DSCAML1: variants seen among roughly 807,000 people sequenced by gnomAD.
DSCAML1 encodes cell adhesion molecule DSCAML1.
A neutral mutation model predicts 200.5 loss-of-function variants in DSCAML1; 38 were observed. The ratio of observed to expected loss-of-function variants is 0.19; its 90% confidence interval spans 0.15 to 0.25. The LOEUF (loss-of-function observed/expected upper bound fraction) is 0.25, where lower values mean the gene tolerates loss of function less well. Among genes scored for constraint, DSCAML1 ranks in the 10% least tolerant of loss-of-function variants. DSCAML1 has a pLI of 1.00. For missense variants in DSCAML1, 2,223 were observed against 2,858.8 expected (o/e 0.78, Z 5.07); for synonymous variants, 1,215 against 1,165.0 (o/e 1.04, Z -0.87).
intron 3 of DSCAML1, among the ~76,000 whole-genome samples, chr11:117,698,949 C>T (rs946022774): frequency 3.9e-5 from 6 of 152,324 alleles, no homozygotes; most frequent in Admixed American, 1.3e-4. Context: ...ACGCACAACA[C>T]CGTACTCTAG....
In DSCAML1 at chr11:117,472,710, G is replaced by A. The variant is rs193078837; in HGVS notation, c.2786-674C>T. Among the ~76,000 whole-genome samples the A allele has an allele frequency of 5.8e-4, 89 of 152,240 alleles. 1 individual carries two copies. The highest frequency in any genetic ancestry group is 1.3e-3 in the Admixed American group (20 of 15,282). ...CAGGGAGACTGGTAGTCTATCTCAC[G>A]GCTGATGTTTAGCAAAATTGTAGGA... On this transcript the variant is annotated intron_variant, in intron 14 of 32. Transcript: ENST00000651296.
At chr11:117,672,868 T>C (rs1445730644) in intron 3 of DSCAML1, among the ~76,000 whole-genome samples, 3 of 152,180 alleles carry the variant, frequency 2.0e-5, no homozygotes, top group Admixed American at 1.3e-4. Flanking sequence ...CAAATGCCAA[T>C]TGATTTACCT....
In DSCAML1 at chr11:117,435,525, T is replaced by C. The variant is rs542143238; in HGVS notation, c.4876+119A>G. 10 of 1,251,848 alleles carry C rather than the reference T, an allele frequency of 8.0e-6. No homozygotes were observed. The East Asian group carries it at 2.2e-4, about 28-fold the overall frequency. The allele number at this position is 1,251,848 out of a possible 1,614,324, so 77.5% of individuals were successfully genotyped here. ...AGAAAGTCTGAGTGGCTGCTCCTCCTTCAAGGGGACACAGGCACTCTGTAT... is the reference window on the plus strand; with the variant it reads ...AGAAAGTCTGAGTGGCTGCTCCTCCCTCAAGGGGACACAGGCACTCTGTAT... On this transcript the variant is annotated intron_variant, in intron 27 of 32. Transcript: ENST00000651296.
intron 3 of DSCAML1, among the ~76,000 whole-genome samples, chr11:117,674,253 A>G (rs2053166925): frequency 6.6e-6 from 1 of 152,208 alleles, no homozygotes; most frequent in African/African-American, 2.4e-5. Context: ...CACCTGGGAC[A>G]TAGCTGGTGC....
chr11:117,774,101 G>C (rs1353869623), intron 3 of DSCAML1, among the ~76,000 whole-genome samples: 1 of 152,108 alleles, frequency 6.6e-6, no homozygotes, highest in Non-Finnish European at 1.5e-5. Context: ...TCTCCTATCT[G>C]ATCTGGTCTT....
At chr11:117,796,496 C>A (rs868489735) in intron 1 of DSCAML1, among the ~76,000 whole-genome samples, 1 of 152,266 alleles carries the variant, frequency 6.6e-6, no homozygotes, top group Non-Finnish European at 1.5e-5. Context: ...TATCCCCACC[C>A]TGCCTCCAGC....
chr11:117,656,496 CATCT>C (rs71469141), intron 3 of DSCAML1, among the ~76,000 whole-genome samples: 27,827 of 147,260 alleles, frequency 0.19, 2,707 homozygotes, highest in Non-Finnish European at 0.23. Flanking sequence ...TTACCTAAAT[CATCT>C]ATCTATCTAT....
intron 3 of DSCAML1, among the ~76,000 whole-genome samples, chr11:117,738,211 T>TA (rs1160928413): frequency 6.6e-6 from 1 of 152,188 alleles, no homozygotes; most frequent in Non-Finnish European, 1.5e-5. Flanking sequence ...TCCACCCACA[T>TA]ACTCTGAACT....
intron 3 of DSCAML1, among the ~76,000 whole-genome samples, chr11:117,629,555 G>A (rs893845226): frequency 6.8e-6 from 1 of 148,004 alleles, no homozygotes; most frequent in Non-Finnish European, 1.5e-5. Context: ...TAAGACAACC[G>A]GGCAGAGAGA....
rs574828870 is a variant in DSCAML1, at chr11:117,439,053, G to A, written c.4145-70C>T. Reference sequence around the variant, plus strand: ...GTGATGGGGTGTGGGGAGTCCCCCCGTGACGGGAAGGTGCTGGCTCTCCCA... The same window carrying A: ...GTGATGGGGTGTGGGGAGTCCCCCCATGACGGGAAGGTGCTGGCTCTCCCA... On this transcript the variant is annotated intron_variant, in intron 23 of 32. Transcript: ENST00000651296. 4.3e-4 allele frequency: 629 copies of A among 1,454,190 alleles called. 2 individuals are homozygous for A. Among genetic ancestry groups the A allele is most frequent in the Non-Finnish European group, 5.6e-4 (604 of 1,076,252 alleles). The allele number at this position is 1,454,190 out of a possible 1,614,324, so 90.1% of individuals were successfully genotyped here. A position where few individuals can be genotyped will look rare whatever the true frequency, so the allele number is the denominator to read the frequency against.
chr11:117,477,482 C>T (rs2048821465), intron 14 of DSCAML1, among the ~76,000 whole-genome samples: 2 of 151,632 alleles, frequency 1.3e-5, no homozygotes, highest in African/African-American at 4.8e-5. Context: ...CTTCCTCTAC[C>T]ACATGGCTGG....
intron 3 of DSCAML1, among the ~76,000 whole-genome samples, chr11:117,670,251 T>C (rs1252527162): frequency 1.3e-5 from 2 of 151,962 alleles, no homozygotes; most frequent in East Asian, 1.9e-4. Context: ...ACAAATCCAA[T>C]TGCCAGGCTT....
At chr11:117,631,822 C>A (rs540800019) in intron 3 of DSCAML1, among the ~76,000 whole-genome samples, 15 of 152,332 alleles carry the variant, frequency 9.8e-5, no homozygotes, top group African/African-American at 3.6e-4. Flanking sequence ...TCTGGAGCGA[C>A]AGAGGCTGGT....
Position 117,780,220 on chromosome 11 carries a change from A to AG in DSCAML1, c.364+272_364+273insC, listed in dbSNP as rs1555032655. Reference sequence around the variant, plus strand: ...GAAAGAGAAAGAAAGAGAGAGAGAGAAAGAAAGAAAGGAAAGAAAGAAAGA... The same window carrying AG: ...GAAAGAGAAAGAAAGAGAGAGAGAGAGAAGAAAGAAAGGAAAGAAAGAAAGA... On this transcript the variant is annotated intron_variant, in intron 2 of 32. Coordinates refer to ENST00000651296, the MANE Select transcript of DSCAML1 (RefSeq NM_020693.4). This position sits in a 1 kb window ranked among gnomAD's most constrained non-coding sequence, Gnocchi z 4.8. Among the ~76,000 whole-genome samples, 2 of 76,594 alleles carry AG rather than the reference A, an allele frequency of 2.6e-5. No individual in the cohort carries two copies. Among genetic ancestry groups the AG allele is most frequent in the East Asian group, 6.7e-4 (2 of 2,972 alleles). The allele number at this position is 76,594 out of a possible 152,430, so 50.2% of individuals were successfully genotyped here.
At chr11:117,725,584 A>G (rs560467778) in intron 3 of DSCAML1, among the ~76,000 whole-genome samples, 20 of 152,278 alleles carry the variant, frequency 1.3e-4, no homozygotes, top group African/African-American at 3.4e-4. Flanking sequence ...AGCACACCAG[A>G]GTGAAAACAT....
rs373201307 is a variant in DSCAML1 at position 117,754,992 on chromosome 11, A to G, written c.511+21799T>C. On this transcript the variant is annotated intron_variant, in intron 3 of 32. Coordinates refer to ENST00000651296, the MANE Select transcript of DSCAML1 (RefSeq NM_020693.4). ...GAACTGGTTACCCCGGCCACAGACAACCTTCTCCTGTTGCCCTAATGCTAT... is the reference window on the plus strand; with the variant it reads ...GAACTGGTTACCCCGGCCACAGACAGCCTTCTCCTGTTGCCCTAATGCTAT... Among the ~76,000 whole-genome samples, 4 of 152,178 alleles carry G rather than the reference A, an allele frequency of 2.6e-5. No homozygotes were observed. The East Asian group carries it at 7.8e-4, about 30-fold the overall frequency.
chr11:117,722,419 A>G (rs2054056466), intron 3 of DSCAML1, among the ~76,000 whole-genome samples: 2 of 152,224 alleles, frequency 1.3e-5, no homozygotes, highest in South Asian at 4.1e-4. Context: ...TAACAGATCC[A>G]AAGTTACTGC....
intron 3 of DSCAML1, among the ~76,000 whole-genome samples, chr11:117,746,833 G>C (rs1480538380): frequency 6.6e-6 from 1 of 152,126 alleles, no homozygotes; most frequent in Non-Finnish European, 1.5e-5. Context: ...TCCTGCTCAG[G>C]CTTCAGGACT....
intron 3 of DSCAML1, among the ~76,000 whole-genome samples, chr11:117,535,471 C>T (rs912340654): frequency 1.3e-5 from 2 of 152,012 alleles, no homozygotes; most frequent in African/African-American, 4.8e-5. Flanking sequence ...GGGCAGACCC[C>T]GCAACTAGGC....
Sources: gnomAD v4.1 joint callset for allele counts (sites outside exome capture counted in the v4.1 genomes callset) on GRCh38, gnomAD v4.1.1 for gene constraint, Gnocchi (gnomAD v3.1) non-coding constraint, MANE v1.5 for transcripts, NCBI Gene and HGNC (gene_info 2026-07-23, HGNC 2026-07-21) for gene names.